Variants in NRG3 observed in about 807,000 individuals in gnomAD.
The protein encoded by NRG3 is pro-neuregulin-3, membrane-bound isoform.
Under a neutral mutation model 66.9 loss-of-function variants are expected in NRG3, and 31 were observed. That is an observed-to-expected ratio of 0.46 (90% CI 0.35 to 0.63). The LOEUF (loss-of-function observed/expected upper bound fraction) is 0.63. Ranked by LOEUF, NRG3 falls within the 20% of genes least tolerant of loss-of-function variation. The pLI is 0.00. For synonymous variants in NRG3, 393 were observed against 359.4 expected, an observed-to-expected ratio of 1.09 and a Z score of -1.06; for missense variants, 910 against 878.9, an observed-to-expected ratio of 1.04 and a Z score of -0.45.
At chr10:82,372,566 T>C (rs1293571999) in intron 2 of NRG3, among the ~76,000 whole-genome samples, 1 of 152,214 alleles carries the variant, frequency 6.6e-6, no homozygotes, top group Non-Finnish European at 1.5e-5. Flanking sequence ...ATTGTTCCAA[T>C]CAAAAATTAA....
intron 3 of NRG3, among the ~76,000 whole-genome samples, chr10:82,789,682 G>T (rs1305545514): frequency 6.6e-6 from 1 of 152,028 alleles, no homozygotes; most frequent in Non-Finnish European, 1.5e-5. Context: ...TACATTTAAT[G>T]TAATTGTTGA....
At chr10:81,966,437 T>G (rs2059732490) in intron 1 of NRG3, among the ~76,000 whole-genome samples, 1 of 151,974 alleles carries the variant, frequency 6.6e-6, no homozygotes, top group African/African-American at 2.4e-5. Context: ...CTCTGTCAGA[T>G]GAGTTGATTT....
chr10:82,768,563 C>A (rs1335705483), intron 3 of NRG3, among the ~76,000 whole-genome samples: 2 of 151,992 alleles, frequency 1.3e-5, no homozygotes, highest in Admixed American at 1.3e-4. Context: ...CACCTAGCAC[C>A]AAGTAATTGT....
chr10:82,930,567 A>G lies in NRG3; in HGVS notation c.1055-20902A>G, dbSNP rs753684713. Among the ~76,000 whole-genome samples the G allele has an allele frequency of 2.6e-5, 4 of 152,306 alleles. No homozygotes were observed. The East Asian group carries it at 5.8e-4, about 22-fold the overall frequency. ...GTGTATATTGTCTGGATGTTCAGGA[A>G]CACATGGTCTTAATTTCTTAGATGT... On this transcript the variant is annotated intron_variant, in intron 4 of 8. Coordinates refer to ENST00000372141, the MANE Select transcript of NRG3 (RefSeq NM_001010848.4).
At chr10:82,632,873 C>T (rs2049938499) in intron 2 of NRG3, among the ~76,000 whole-genome samples, 1 of 152,148 alleles carries the variant, frequency 6.6e-6, no homozygotes. Flanking sequence ...GATAGTTGCT[C>T]AAGTGGGAAG....
At chr10:82,426,068 A>C (rs2089415988) in intron 2 of NRG3, among the ~76,000 whole-genome samples, 1 of 152,166 alleles carries the variant, frequency 6.6e-6, no homozygotes, top group African/African-American at 2.4e-5. Flanking sequence ...CCTCAGACAA[A>C]GGAAATACCC....
intron 2 of NRG3, among the ~76,000 whole-genome samples, chr10:82,673,589 C>T (rs1342446889): frequency 6.6e-6 from 1 of 152,172 alleles, no homozygotes; most frequent in Non-Finnish European, 1.5e-5. Context: ...GTCAGGATAA[C>T]TCCTTGATTC....
intron 1 of NRG3, among the ~76,000 whole-genome samples, chr10:82,188,236 T>C (rs980411662): frequency 6.6e-6 from 1 of 152,132 alleles, no homozygotes; most frequent in African/African-American, 2.4e-5. Context: ...CAATAAGTGG[T>C]GCTGGGCAAA....
chr10:82,268,536 A>G (rs1267479921), intron 1 of NRG3, among the ~76,000 whole-genome samples: 1 of 152,098 alleles, frequency 6.6e-6, no homozygotes, highest in East Asian at 1.9e-4. Flanking sequence ...ATATTTTTAA[A>G]TCTATCCTCT....
intron 1 of NRG3, among the ~76,000 whole-genome samples, chr10:82,020,972 G>A (rs2062031501): frequency 6.6e-6 from 1 of 152,062 alleles, no homozygotes; most frequent in South Asian, 2.1e-4. Context: ...AAGGAATATG[G>A]CAAGGCTCCT....
At chr10:82,538,820 C>T (rs958355960) in intron 2 of NRG3, among the ~76,000 whole-genome samples, 1 of 152,174 alleles carries the variant, frequency 6.6e-6, no homozygotes, top group South Asian at 2.1e-4. Context: ...TTACTGTTGT[C>T]CAAACCATGT....
At chr10:82,026,677 C>A (rs1200810554) in intron 1 of NRG3, among the ~76,000 whole-genome samples, 2 of 151,690 alleles carry the variant, frequency 1.3e-5, no homozygotes, top group Non-Finnish European at 2.9e-5. Context: ...TTTTGTCTGT[C>A]TGTTTGTCTG....
chr10:82,874,582 C>A (rs977812724), intron 4 of NRG3, among the ~76,000 whole-genome samples: 21 of 152,124 alleles, frequency 1.4e-4, no homozygotes, highest in African/African-American at 4.3e-4. Flanking sequence ...GTGCCCTTTG[C>A]CATGTTAAAC....
chr10:82,908,686 A>G (rs375852719), intron 4 of NRG3, among the ~76,000 whole-genome samples: 1 of 152,236 alleles, frequency 6.6e-6, no homozygotes, highest in Non-Finnish European at 1.5e-5. Flanking sequence ...ATCCAGGTGC[A>G]TGTACTATGG....
At chr10:82,367,839 C>G (rs895107325) in intron 2 of NRG3, among the ~76,000 whole-genome samples, 3 of 151,974 alleles carry the variant, frequency 2.0e-5, no homozygotes, top group Non-Finnish European at 4.4e-5. Context: ...ACTAAAAATA[C>G]AAAATATTAG....
chr10:82,100,973 T>C (rs2066693731), intron 1 of NRG3, among the ~76,000 whole-genome samples: 1 of 152,048 alleles, frequency 6.6e-6, no homozygotes, highest in Admixed American at 6.6e-5. Context: ...GATCGAGGTC[T>C]GGAGTTTTAT....
intron 4 of NRG3, among the ~76,000 whole-genome samples, chr10:82,944,191 T>G (rs1242651300): frequency 6.6e-6 from 1 of 152,192 alleles, no homozygotes; most frequent in East Asian, 1.9e-4. Flanking sequence ...GAACCTTTTT[T>G]TATTTTTGCA....
chr10:82,635,098 C>G (rs967056364), intron 2 of NRG3, among the ~76,000 whole-genome samples: 2 of 152,098 alleles, frequency 1.3e-5, no homozygotes, highest in African/African-American at 4.8e-5. Flanking sequence ...AAGAAAAGAC[C>G]TGAACCCAAA....
intron 1 of NRG3, among the ~76,000 whole-genome samples, chr10:82,037,262 G>C (rs2062829277): frequency 6.6e-6 from 1 of 152,144 alleles, no homozygotes; most frequent in Admixed American, 6.5e-5. Context: ...CCTGGCACTA[G>C]GGCTGGCCAA....
Sources: gnomAD v4.1 joint callset for allele counts (sites outside exome capture counted in the v4.1 genomes callset) on GRCh38, gnomAD v4.1.1 for gene constraint, MANE v1.5 for transcripts, NCBI Gene and HGNC (gene_info 2026-07-23, HGNC 2026-07-21) for gene names.